Variants in ADAMTSL1 observed in about 807,000 individuals in gnomAD.
ADAMTSL1 encodes the protein ADAMTS-like protein 1.
A neutral mutation model predicts 201.8 loss-of-function variants in ADAMTSL1; 126 were observed. That is an observed-to-expected ratio of 0.62 (90% CI 0.54 to 0.72). The LOEUF (loss-of-function observed/expected upper bound fraction) is 0.72. Among genes scored for constraint, ADAMTSL1 ranks in the 30% least tolerant of loss-of-function variants. The pLI is 0.00. For synonymous variants in ADAMTSL1, 1,121 were observed against 903.4 expected (o/e 1.24, Z -4.32); for missense variants, 2,679 against 2,277.8 (o/e 1.18, Z -3.59).
intron 2 of ADAMTSL1, among the ~76,000 whole-genome samples, chr9:18,258,871 C>G (rs115585960): frequency 0.014 from 2,062 of 152,292 alleles, 46 homozygotes; most frequent in African/African-American, 0.047. Context: ...TTTGGCTTCT[C>G]TCCTGATTAT....
At chr9:18,446,332 T>A (rs1251174908) in intron 2 of ADAMTSL1, among the ~76,000 whole-genome samples, 1 of 152,214 alleles carries the variant, frequency 6.6e-6, no homozygotes, top group East Asian at 1.9e-4. Context: ...TAGTCTAGAT[T>A]CGTGCTGGTA....
chr9:18,749,754 T>A (rs913321826), intron 15 of ADAMTSL1, among the ~76,000 whole-genome samples: 1 of 152,188 alleles, frequency 6.6e-6, no homozygotes, highest in Non-Finnish European at 1.5e-5. Flanking sequence ...CTAAGTTGAT[T>A]ACAATATTTT....
intron 13 of ADAMTSL1, among the ~76,000 whole-genome samples, chr9:18,686,044 G>A (rs546774547): frequency 2.6e-5 from 4 of 151,658 alleles, no homozygotes; most frequent in South Asian, 4.2e-4. Flanking sequence ...TCAGCCTACC[G>A]AGTAGCTGGG....
Position 18,031,131 on chromosome 9 carries a change from C to T in ADAMTSL1, c.87+124209C>T, listed in dbSNP as rs569298585. On this transcript the variant is annotated intron_variant, in intron 1 of 29. Coordinates refer to the ADAMTSL1 transcript ENST00000680146. Reference sequence around the variant, plus strand: ...GAATTTTGTTAAGCTTCTTTGCCGTCCAGATTTTGAATTCTATGTCTATGC... The same window carrying T: ...GAATTTTGTTAAGCTTCTTTGCCGTTCAGATTTTGAATTCTATGTCTATGC... Among the ~76,000 whole-genome samples the T allele has an allele frequency of 5.9e-5, 9 of 152,166 alleles. No homozygotes were observed. In the South Asian group the frequency reaches 1.9e-3, roughly 32 times the overall value.
At chr9:18,018,869 G>C (rs888227923) in intron 1 of ADAMTSL1, among the ~76,000 whole-genome samples, 1 of 151,992 alleles carries the variant, frequency 6.6e-6, no homozygotes, top group Non-Finnish European at 1.5e-5. Context: ...CAGAGACTTT[G>C]GCACCTGGAA....
intron 1 of ADAMTSL1, among the ~76,000 whole-genome samples, chr9:18,476,993 A>T (rs1241308424): frequency 6.6e-6 from 1 of 152,248 alleles, no homozygotes; most frequent in Non-Finnish European, 1.5e-5. Context: ...TTTCATGCAC[A>T]GAACTTATAT....
chr9:18,867,932 C>G (rs183653278), intron 23 of ADAMTSL1, among the ~76,000 whole-genome samples: 1 of 152,316 alleles, frequency 6.6e-6, no homozygotes, highest in Non-Finnish European at 1.5e-5. Flanking sequence ...GGCTGAAATA[C>G]ATACATCTTA....
chr9:18,880,260 T>G (rs1318829481), intron 23 of ADAMTSL1, among the ~76,000 whole-genome samples: 1 of 152,224 alleles, frequency 6.6e-6, no homozygotes, highest in East Asian at 1.9e-4. Context: ...ATCATGAATG[T>G]CCTTAATGGC....
At chr9:18,180,672 G>C (rs949965675) in intron 2 of ADAMTSL1, among the ~76,000 whole-genome samples, 2 of 152,116 alleles carry the variant, frequency 1.3e-5, no homozygotes, top group Non-Finnish European at 2.9e-5. Context: ...CATGCTCATG[G>C]GTAGGAAGAA....
chr9:18,342,386 C>A (rs1835501379), intron 2 of ADAMTSL1, among the ~76,000 whole-genome samples: 1 of 152,076 alleles, frequency 6.6e-6, no homozygotes, highest in African/African-American at 2.4e-5. Context: ...AGTATCATCT[C>A]AAGTGGTAAG....
At chr9:18,380,974 G>A (rs544270656) in intron 2 of ADAMTSL1, among the ~76,000 whole-genome samples, 1 of 152,320 alleles carries the variant, frequency 6.6e-6, no homozygotes, top group Admixed American at 6.5e-5. Flanking sequence ...CCTGTGGGTA[G>A]CGTGTGTCTC....
intron 2 of ADAMTSL1, among the ~76,000 whole-genome samples, chr9:18,403,506 A>G (rs1313144910): frequency 6.6e-6 from 1 of 152,144 alleles, no homozygotes; most frequent in Non-Finnish European, 1.5e-5. Flanking sequence ...ATTTTAAGTT[A>G]GCTCCTCAAG....
chr9:17,946,330 C>T (rs1283403737), intron 1 of ADAMTSL1, among the ~76,000 whole-genome samples: 1 of 151,812 alleles, frequency 6.6e-6, no homozygotes, highest in African/African-American at 2.4e-5. Flanking sequence ...AAACATATTT[C>T]GTCAATTGGT....
At chr9:18,723,260 T>G (rs1187589005) in intron 15 of ADAMTSL1, 5 of 613,844 alleles carry the variant, frequency 8.1e-6, no homozygotes, top group Non-Finnish European at 1.2e-5. Flanking sequence ...CTCCTGCTGC[T>G]GTGTGCTAAT....
chr9:18,115,780 T>C (rs1262311016), intron 1 of ADAMTSL1, among the ~76,000 whole-genome samples: 1 of 152,132 alleles, frequency 6.6e-6, no homozygotes, highest in East Asian at 1.9e-4. Context: ...TGATGATGCT[T>C]GTTCGTGGCC....
intron 1 of ADAMTSL1, among the ~76,000 whole-genome samples, chr9:17,911,152 T>A (rs1320336808): frequency 2.9e-5 from 2 of 69,048 alleles, no homozygotes; most frequent in African/African-American, 5.8e-5. Context: ...TTTCAGGGGT[T>A]ATTTCCCTTT....
At chr9:18,904,119 C>T (rs1005664567) in intron 26 of ADAMTSL1, among the ~76,000 whole-genome samples, 34 of 152,116 alleles carry the variant, frequency 2.2e-4, no homozygotes, top group African/African-American at 8.0e-4. Context: ...CAGGCATCCA[C>T]CACCACACCT....
chr9:18,684,960 G>C (rs1587893408), intron 13 of ADAMTSL1, 160 bp downstream of exon 13: 1 of 1,390,134 alleles, frequency 7.2e-7, no homozygotes, highest in Non-Finnish European at 9.3e-7. Context: ...TTCAAAAAGT[G>C]TTTGTCAAAG....
At chr9:17,962,495 G>A (rs1040949975) in intron 1 of ADAMTSL1, among the ~76,000 whole-genome samples, 16 of 152,204 alleles carry the variant, frequency 1.1e-4, no homozygotes, top group African/African-American at 3.6e-4. Flanking sequence ...CAATGTTAGA[G>A]CAAAAATCCA....
Sources: gnomAD v4.1 joint callset for allele counts (sites outside exome capture counted in the v4.1 genomes callset) on GRCh38, gnomAD v4.1.1 for gene constraint, MANE v1.5 for transcripts, NCBI Gene and HGNC (gene_info 2026-07-23, HGNC 2026-07-21) for gene names.